The following RIMBP2 variants were observed in gnomAD, a reference collection of about 807,000 sequenced individuals.
RIMBP2 encodes the protein RIMS binding protein 2, also known as RIMS-binding protein 2.
RIMBP2 carries 48 observed loss-of-function variants against 118.6 expected under a neutral mutation model. The observed-to-expected ratio is 0.40, with a 90% confidence interval of 0.32 to 0.51. The LOEUF is 0.51. Ranked by LOEUF, RIMBP2 falls within the 20% of genes least tolerant of loss-of-function variation. The pLI is 0.41. For synonymous variants in RIMBP2, 762 were observed against 742.9 expected (o/e 1.03, Z -0.42); for missense variants, 1,551 against 1,768.3 (o/e 0.88, Z 2.20).
chr12:130,539,052 T>C (rs933127866), intron 2 of RIMBP2, among the ~76,000 whole-genome samples: 3 of 152,242 alleles, frequency 2.0e-5, no homozygotes, highest in African/African-American at 7.2e-5. Context: ...TCAGAAAATA[T>C]GGCCTGCAGG....
chr12:130,570,402 G>A (rs2057540547), intron 2 of RIMBP2, among the ~76,000 whole-genome samples: 1 of 152,114 alleles, frequency 6.6e-6, no homozygotes, highest in Non-Finnish European at 1.5e-5. Flanking sequence ...CTCCAGCCTG[G>A]GCAACAGAGC....
chr12:130,503,036 A>C (rs1167049311), intron 4 of RIMBP2, among the ~76,000 whole-genome samples: 1 of 152,128 alleles, frequency 6.6e-6, no homozygotes, highest in Admixed American at 6.5e-5. Context: ...TGGTATTTTA[A>C]ATTCCATAGA....
chr12:130,424,910 A>G lies in RIMBP2; in HGVS notation c.2413-52T>C. The G allele has an allele frequency of 9.1e-7, 1 of 1,099,236 alleles. No homozygotes were observed. Among genetic ancestry groups the G allele is most frequent in the Non-Finnish European group, 1.2e-6 (1 of 867,262 alleles). 68.1% of individuals were successfully genotyped at this position (1,099,236 alleles called of 1,614,324 possible). A position where few individuals can be genotyped will look rare whatever the true frequency, so the allele number is the denominator to read the frequency against. On this transcript the variant is annotated intron_variant, in intron 15 of 22. Transcript: ENST00000690449. This position sits in a 1 kb window ranked among gnomAD's most constrained non-coding sequence, Gnocchi z 9.8. ...GCGCGGGAAAGAGTGTGTGGTCAGC[A>G]TGAAGTGGGGGCCAGGGGAGGAAAG...
At chr12:130,410,842 G>T (rs191641047) in intron 19 of RIMBP2, among the ~76,000 whole-genome samples, 2 of 152,158 alleles carry the variant, frequency 1.3e-5, no homozygotes, top group Non-Finnish European at 2.9e-5. Flanking sequence ...GGCTACTCTA[G>T]TTCCTTTGCC....
In RIMBP2 at chr12:130,634,974, A is replaced by C. The variant is rs532485133; in HGVS notation, c.-351-6518T>G. ...CCAGCACATTAATTAAAGTCACAGA[A>C]TCCAGAGCACACAAAAAAAAGGGAG... is the stretch of plus-strand genomic sequence containing the variant. On this transcript the variant is annotated intron_variant, in intron 1 of 22. Transcript: ENST00000690449. Among the ~76,000 whole-genome samples, 11 of 152,188 alleles carry C rather than the reference A, an allele frequency of 7.2e-5. No homozygotes were observed. The South Asian group carries it at 2.1e-3, about 29-fold the overall frequency.
In RIMBP2 at chr12:130,475,464, T is replaced by C. The variant is rs921874839; in HGVS notation, c.102+3448A>G. Among the ~76,000 whole-genome samples the C allele has an allele frequency of 2.6e-5, 4 of 152,038 alleles. No individual in the cohort carries two copies. Among genetic ancestry groups the C allele is most frequent in the African/African-American group, 9.7e-5 (4 of 41,380 alleles). The stretch of plus-strand genomic sequence containing the variant: ...CACCTGTATTTCAGGAAAAATAAAC[T>C]CCTGCCTCACATTGCACATCAAGAA... On this transcript the variant is annotated intron_variant, in intron 5 of 22. Coordinates refer to ENST00000690449, the MANE Select transcript of RIMBP2 (RefSeq NM_001393629.1). This position sits in a 1 kb window ranked among gnomAD's most constrained non-coding sequence, Gnocchi z 4.1.
At chr12:130,577,227 A>C (rs2058145826) in intron 2 of RIMBP2, among the ~76,000 whole-genome samples, 1 of 152,190 alleles carries the variant, frequency 6.6e-6, no homozygotes, top group South Asian at 2.1e-4. Flanking sequence ...TGCCTGACTT[A>C]CAGGGCAGCT....
At chr12:130,664,447 G>GCGTGCATGCACA (rs1555320933) in intron 1 of RIMBP2, among the ~76,000 whole-genome samples, 1 of 122,412 alleles carries the variant, frequency 8.2e-6, no homozygotes. Context: ...ACGCACACAC[G>GCGTGCATGCACA]CACACACATG....
chr12:130,675,454 G>C (rs1220031580), intron 1 of RIMBP2, among the ~76,000 whole-genome samples: 1 of 152,190 alleles, frequency 6.6e-6, no homozygotes, highest in Non-Finnish European at 1.5e-5. Context: ...ATCTGTCCCT[G>C]CTGGGTTCCT....
At chr12:130,579,903 C>T (rs1044779284) in intron 2 of RIMBP2, among the ~76,000 whole-genome samples, 3 of 151,832 alleles carry the variant, frequency 2.0e-5, no homozygotes, top group African/African-American at 7.3e-5. Flanking sequence ...GTATGGCTCA[C>T]AGCCTGGGGC....
chr12:130,661,472 TAC>T (rs1488980862), intron 1 of RIMBP2, among the ~76,000 whole-genome samples: 1 of 152,232 alleles, frequency 6.6e-6, no homozygotes, highest in Non-Finnish European at 1.5e-5. Flanking sequence ...ACCAAGAATC[TAC>T]ACACAGTATT....
chr12:130,451,386 A>G (rs1188648058), intron 7 of RIMBP2, 46 bp from the exon 8 acceptor site: 1 of 1,568,556 alleles, frequency 6.4e-7, no homozygotes, highest in East Asian at 2.3e-5. Context: ...TGCGAATAAC[A>G]TCGTCAAAGC....
chr12:130,681,928 C>G (rs919007550), intron 1 of RIMBP2, among the ~76,000 whole-genome samples: 3 of 152,118 alleles, frequency 2.0e-5, no homozygotes, highest in Admixed American at 6.5e-5. Context: ...AACTCCTGAC[C>G]TCAAGTGATC....
chr12:130,506,461 T>C (rs2050364525), intron 4 of RIMBP2, among the ~76,000 whole-genome samples, 187 bp downstream of exon 4: 1 of 152,134 alleles, frequency 6.6e-6, no homozygotes, highest in Non-Finnish European at 1.5e-5. Flanking sequence ...CCAGAAACAC[T>C]GGAATTTTGT....
chr12:130,526,076 G>T (rs1315046919), intron 2 of RIMBP2, among the ~76,000 whole-genome samples: 1 of 152,046 alleles, frequency 6.6e-6, no homozygotes, highest in South Asian at 2.1e-4. Context: ...GGAAGGTTCA[G>T]AAATGCCTCC....
At chr12:130,690,415 A>G (rs7295473) in intron 1 of RIMBP2, among the ~76,000 whole-genome samples, 60,082 of 152,046 alleles carry the variant, frequency 0.4, 15,792 homozygotes, top group African/African-American at 0.75. Context: ...TAACAGCTTG[A>G]ACAGCGGTTT....
intron 2 of RIMBP2, among the ~76,000 whole-genome samples, chr12:130,543,614 G>A (rs769045776): frequency 2.3e-4 from 35 of 152,210 alleles, no homozygotes; most frequent in Non-Finnish European, 3.1e-4. Context: ...GGAATTGGCC[G>A]TAGAGAGTGA....
At chr12:130,438,335 A>ACCCCCCCC (rs146625626) in intron 12 of RIMBP2, 30 bp downstream of exon 12, 106 of 865,824 alleles carry the variant, frequency 1.2e-4, no homozygotes, top group South Asian at 2.0e-4. Context: ...GGCCTAACAA[A>ACCCCCCCC]CCCTCCCCAC....
At chr12:130,501,029 C>T (rs1020451842) in intron 4 of RIMBP2, among the ~76,000 whole-genome samples, 3 of 152,212 alleles carry the variant, frequency 2.0e-5, no homozygotes, top group African/African-American at 7.2e-5. Flanking sequence ...ATCTCCCACA[C>T]GTGGTGACGC....
Sources: gnomAD v4.1 joint callset for allele counts (sites outside exome capture counted in the v4.1 genomes callset) on GRCh38, gnomAD v4.1.1 for gene constraint, Gnocchi (gnomAD v3.1) non-coding constraint, MANE v1.5 for transcripts, NCBI Gene and HGNC (gene_info 2026-07-23, HGNC 2026-07-21) for gene names.